OSBPL10: variants seen among roughly 807,000 people sequenced by gnomAD.
OSBPL10 encodes oxysterol-binding protein-related protein 10.
A neutral mutation model predicts 81.7 loss-of-function variants in OSBPL10; 49 were observed. That is an observed-to-expected ratio of 0.60 (90% CI 0.48 to 0.76). OSBPL10 has a LOEUF of 0.76. Among genes scored for constraint, OSBPL10 ranks in the 30% least tolerant of loss-of-function variants. OSBPL10 has a pLI of 0.00. For missense variants in OSBPL10, 923 were observed against 987.8 expected, an observed-to-expected ratio of 0.93 and a Z score of 0.88; for synonymous variants, 419 against 383.6, an observed-to-expected ratio of 1.09 and a Z score of -1.08.
At chr3:31,736,304 C>T (rs1401144482) in intron 5 of OSBPL10, among the ~76,000 whole-genome samples, 1 of 151,298 alleles carries the variant, frequency 6.6e-6, no homozygotes, top group Admixed American at 6.5e-5. Flanking sequence ...GTGTATTTGA[C>T]TACAATTTTT....
At chr3:31,826,292 CACAA>C (rs1290750356) in intron 4 of OSBPL10, among the ~76,000 whole-genome samples, 1 of 152,210 alleles carries the variant, frequency 6.6e-6, no homozygotes, top group Non-Finnish European at 1.5e-5. Flanking sequence ...CTGATAATTT[CACAA>C]ACAGTTGCCT....
At chr3:32,013,090 G>A (rs56915831) in intron 2 of OSBPL10, among the ~76,000 whole-genome samples, 3,752 of 152,054 alleles carry the variant, frequency 0.025, 143 homozygotes, top group East Asian at 0.11. Context: ...TGCACCAAGC[G>A]GACCTAATAG....
chr3:31,732,177 T>C (rs960456767), intron 6 of OSBPL10, among the ~76,000 whole-genome samples: 1 of 152,246 alleles, frequency 6.6e-6, no homozygotes, highest in Non-Finnish European at 1.5e-5. Flanking sequence ...AAACTCCTTG[T>C]ACATACAGAG....
chr3:32,028,279 A>G (rs1208477925), intron 2 of OSBPL10, among the ~76,000 whole-genome samples: 1 of 152,236 alleles, frequency 6.6e-6, no homozygotes, highest in African/African-American at 2.4e-5. Flanking sequence ...GAACCACTAT[A>G]CTAAGGAACT....
At chr3:32,028,599 C>T (rs1297257373) in intron 2 of OSBPL10, among the ~76,000 whole-genome samples, 1 of 152,144 alleles carries the variant, frequency 6.6e-6, no homozygotes, top group Non-Finnish European at 1.5e-5. Flanking sequence ...GATTTCTCCT[C>T]TTTTCTTAAA....
intron 1 of OSBPL10, among the ~76,000 whole-genome samples, chr3:31,926,294 C>CCCCCCA (rs946865908): frequency 1.4e-5 from 2 of 147,902 alleles, no homozygotes. Context: ...ATTTTGCCCC[C>CCCCCCA]CCAGAGGATA....
At chr3:31,914,105 G>A (rs989675726) in intron 1 of OSBPL10, among the ~76,000 whole-genome samples, 1 of 152,096 alleles carries the variant, frequency 6.6e-6, no homozygotes, top group Non-Finnish European at 1.5e-5. Flanking sequence ...ATTTTTAGTA[G>A]AGACAGGGTT....
At chr3:31,914,980 T>C (rs189706915) in intron 1 of OSBPL10, among the ~76,000 whole-genome samples, 96 of 152,200 alleles carry the variant, frequency 6.3e-4, no homozygotes, top group Non-Finnish European at 1.2e-3. Context: ...GTTTTTTCCC[T>C]TTGAGACAGA....
intron 11 of OSBPL10, chr3:31,663,142 T>C (rs1345801948): frequency 4.0e-5 from 39 of 985,304 alleles, no homozygotes; most frequent in Non-Finnish European, 4.6e-5. Flanking sequence ...TCCCTCTTTG[T>C]AGCAGAAGTC....
At chr3:31,781,800 T>C (rs1698702017) in intron 4 of OSBPL10, among the ~76,000 whole-genome samples, 1 of 152,128 alleles carries the variant, frequency 6.6e-6, no homozygotes, top group Admixed American at 6.5e-5. Context: ...CTGAAAGAAA[T>C]CATAGATGAC....
chr3:31,974,018 C>T (rs574800737), intron 1 of OSBPL10, among the ~76,000 whole-genome samples: 1 of 152,232 alleles, frequency 6.6e-6, no homozygotes, highest in East Asian at 1.9e-4. Flanking sequence ...ATATGCAGTG[C>T]CCAGGCACCT....
chr3:32,003,224 C>A (rs1182268247), intron 2 of OSBPL10, among the ~76,000 whole-genome samples: 1 of 152,220 alleles, frequency 6.6e-6, no homozygotes, highest in African/African-American at 2.4e-5. Context: ...ACCAAACTCT[C>A]CTCTGGCTAA....
At chr3:31,926,289 G>GCCCCACC (rs1553641095) in intron 1 of OSBPL10, among the ~76,000 whole-genome samples, 1 of 130,194 alleles carries the variant, frequency 7.7e-6, no homozygotes. Flanking sequence ...GGGTGATTTT[G>GCCCCACC]CCCCCCCAGA....
intron 7 of OSBPL10, among the ~76,000 whole-genome samples, chr3:31,699,494 C>T (rs545670030): frequency 1.6e-4 from 24 of 152,194 alleles, no homozygotes; most frequent in Non-Finnish European, 3.2e-4. Flanking sequence ...GTTATGGTGC[C>T]ACCCTGAGGA....
Position 31,981,212 on chromosome 3 carries a change from C to A in OSBPL10, c.-33G>T. 2.9e-6 allele frequency: 4 copies of A among 1,365,656 alleles called. No homozygotes were observed. The highest frequency in any genetic ancestry group is 1.8e-5 in the South Asian group (1 of 56,538). The allele number at this position is 1,365,656 out of a possible 1,614,324, so 84.6% of individuals were successfully genotyped here. A position where few individuals can be genotyped will look rare whatever the true frequency, so the allele number is the denominator to read the frequency against. On this transcript the variant is annotated 5_prime_UTR_variant, in exon 1 of 12. Transcript: ENST00000396556. The surrounding 1 kb of genome is among the most constrained non-coding windows in gnomAD (Gnocchi z 4.5). ...GGGCGCCCGGGACGCGGGTGCCCGC[C>A]GCGGTGGCGGCCCCGGCACGGCGGC...
At chr3:31,928,916 C>T (rs765703975) in intron 1 of OSBPL10, among the ~76,000 whole-genome samples, 5 of 152,274 alleles carry the variant, frequency 3.3e-5, no homozygotes, top group Middle Eastern at 3.4e-3. Context: ...ATTATTAGGT[C>T]TAGGTTTATT....
intron 2 of OSBPL10, among the ~76,000 whole-genome samples, chr3:32,014,212 C>A (rs1699291379): frequency 6.6e-6 from 1 of 152,192 alleles, no homozygotes; most frequent in African/African-American, 2.4e-5. Context: ...TACTGGCAAA[C>A]TGAATCCAGC....
chr3:31,962,983 C>T (rs1296191930), intron 1 of OSBPL10, among the ~76,000 whole-genome samples: 2 of 152,196 alleles, frequency 1.3e-5, no homozygotes, highest in Admixed American at 6.5e-5. Context: ...AATAATATTA[C>T]AGGAAGTGGT....
chr3:31,951,067 T>C (rs1247006509), intron 1 of OSBPL10, among the ~76,000 whole-genome samples: 1 of 152,238 alleles, frequency 6.6e-6, no homozygotes, highest in Non-Finnish European at 1.5e-5. Context: ...AGGAAATTCT[T>C]GCGTGTGTGT....
Sources: allele counts gnomAD v4.1 joint callset (sites outside exome capture counted in the v4.1 genomes callset), GRCh38; gene constraint gnomAD v4.1.1; non-coding constraint Gnocchi (gnomAD v3.1); transcripts MANE v1.5; gene names NCBI Gene and HGNC (gene_info 2026-07-23, HGNC 2026-07-21).